LGR6: variants seen among roughly 807,000 people sequenced by gnomAD.
The protein encoded by LGR6 is leucine rich repeat containing G protein-coupled receptor 6.
A neutral mutation model predicts 69.4 loss-of-function variants in LGR6; 45 were observed. That is an observed-to-expected ratio of 0.65 (90% CI 0.51 to 0.83). LGR6 has a LOEUF of 0.83. Ranked by LOEUF, LGR6 falls within the 40% of genes least tolerant of loss-of-function variation. LGR6 has a pLI of 0.00. For missense variants in LGR6, 1,108 were observed against 1,246.7 expected (o/e 0.89, Z 1.68); for synonymous variants, 538 against 555.0 (o/e 0.97, Z 0.43).
intron 1 of LGR6, among the ~76,000 whole-genome samples, chr1:202,203,070 C>T (rs1658894952): frequency 6.6e-6 from 1 of 152,160 alleles, no homozygotes; most frequent in African/African-American, 2.4e-5. Context: ...CAGTGCATTG[C>T]TGGGGTTCTT....
intron 7 of LGR6, among the ~76,000 whole-genome samples, chr1:202,299,726 G>T (rs778202901): frequency 3.9e-5 from 6 of 152,186 alleles, no homozygotes; most frequent in Non-Finnish European, 7.3e-5. Flanking sequence ...AGCTGTGAGT[G>T]AGACAGCATG....
At chr1:202,227,404 G>A (rs1158496024) in intron 2 of LGR6, among the ~76,000 whole-genome samples, 2 of 152,132 alleles carry the variant, frequency 1.3e-5, no homozygotes, top group Non-Finnish European at 2.9e-5. Context: ...CGCTTAATTA[G>A]ACCAGAATGT....
chr1:202,270,247 G>GTTT (rs56357341), intron 4 of LGR6, among the ~76,000 whole-genome samples: 1 of 144,616 alleles, frequency 6.9e-6, no homozygotes, highest in Non-Finnish European at 1.5e-5. Flanking sequence ...TTTTGCTTTT[G>GTTT]TTTTTTTTTT....
At chr1:202,209,305 G>C (rs1487785710) in intron 1 of LGR6, among the ~76,000 whole-genome samples, 2 of 152,184 alleles carry the variant, frequency 1.3e-5, no homozygotes, top group Non-Finnish European at 2.9e-5. Flanking sequence ...GCCATCCCCA[G>C]GGATCCTGGA....
rs1383935990 is a variant in LGR6 at position 202,205,988 on chromosome 1, A to ACACACACACACC, written c.212+11788_212+11789insACACACACACCC. ...ACACACAACACACACACACACACAC[A>ACACACACACACC]CCCCTAGTATGGGTCTCCGCCTGCA... On this transcript the variant is annotated intron_variant, in intron 1 of 17. Coordinates refer to ENST00000367278, the MANE Select transcript of LGR6 (RefSeq NM_001017403.2). Among the ~76,000 whole-genome samples, 4 of 149,440 alleles carry ACACACACACACC rather than the reference A, an allele frequency of 2.7e-5. No homozygotes were observed. The East Asian group carries it at 5.9e-4, about 22-fold the overall frequency.
At chr1:202,295,165 T>G (rs961042792) in intron 6 of LGR6, among the ~76,000 whole-genome samples, 1 of 151,862 alleles carries the variant, frequency 6.6e-6, no homozygotes, top group Admixed American at 6.6e-5. Flanking sequence ...CCATCTCTAC[T>G]AAAAATACAA....
At chr1:202,229,173 C>T (rs1660809594) in intron 3 of LGR6, among the ~76,000 whole-genome samples, 1 of 152,166 alleles carries the variant, frequency 6.6e-6, no homozygotes, top group Non-Finnish European at 1.5e-5. Context: ...TTTCTCCTTT[C>T]CCTGTGTTGT....
rs1419850281 is a variant in LGR6, at chr1:202,239,342, GTGGT to G, written c.428+3350_428+3353del. Reference sequence around the variant, plus strand: ...TTTGGCTGGCTGAACTTGTGTGTGTGTGGTGTGTGTGTGTGTGTGTGTGTGTGTG... The same window carrying G: ...TTTGGCTGGCTGAACTTGTGTGTGTGGTGTGTGTGTGTGTGTGTGTGTGTG... On this transcript the variant is annotated intron_variant, in intron 4 of 17. Transcript: ENST00000367278. Among the ~76,000 whole-genome samples, 4 of 106,580 alleles carry G rather than the reference GTGGT, an allele frequency of 3.8e-5. No individual in the cohort carries two copies. The East Asian group carries it at 7.7e-4, about 20-fold the overall frequency. The allele number at this position is 106,580 out of a possible 152,430, so 69.9% of individuals were successfully genotyped here. A position where few individuals can be genotyped will look rare whatever the true frequency, so the allele number is the denominator to read the frequency against.
At chr1:202,233,756 T>C (rs1464130744) in intron 3 of LGR6, among the ~76,000 whole-genome samples, 1 of 152,210 alleles carries the variant, frequency 6.6e-6, no homozygotes, top group Non-Finnish European at 1.5e-5. Flanking sequence ...GAATGTGCTA[T>C]TGAACTTGTC....
intron 6 of LGR6, among the ~76,000 whole-genome samples, chr1:202,283,311 G>A (rs1290143882): frequency 6.6e-6 from 1 of 152,194 alleles, no homozygotes; most frequent in African/African-American, 2.4e-5. Flanking sequence ...CTGTTCCCCA[G>A]AGCATTTGCT....
chr1:202,238,725 A>ATTT (rs35307555), intron 4 of LGR6, among the ~76,000 whole-genome samples: 2 of 146,808 alleles, frequency 1.4e-5, no homozygotes, highest in African/African-American at 2.5e-5. Flanking sequence ...GCCCAGCTCT[A>ATTT]TTTTTTTTTT....
chr1:202,263,629 G>A (rs375589066), intron 4 of LGR6, among the ~76,000 whole-genome samples: 49 of 152,290 alleles, frequency 3.2e-4, no homozygotes, highest in Non-Finnish European at 6.0e-4. Context: ...GGACCAATCA[G>A]TAAGGACTTG....
At position 202,318,290 on chromosome 1, in the gene LGR6, G is replaced by A; in HGVS notation, c.1987G>A (p.Ala663Thr). 6.2e-7 allele frequency: 1 copy of A among 1,600,918 alleles called. No individual in the cohort carries two copies. The highest frequency in any genetic ancestry group is 2.2e-5 in the East Asian group (1 of 44,628). ...GGCATCGGTGCTGCTGCTCACTCTG[G>A]CCGCAGTGCAGTGCAGCGTCTCCGT... ...SEASVLLLTL[A>T]AVQCSVSVSC... Residue 663 changes from alanine to threonine, a missense_variant, in exon 18 of 18, where the codon GCC becomes ACC. Ala to Thr is a moderately conservative substitution (Grantham distance 58, BLOSUM62 0). Coordinates refer to ENST00000367278, the MANE Select transcript of LGR6 (RefSeq NM_001017403.2).
At chr1:202,314,967 C>T (rs1654035264) in intron 17 of LGR6, 85 bp downstream of exon 17, 3 of 958,886 alleles carry the variant, frequency 3.1e-6, no homozygotes, top group Non-Finnish European at 5.0e-6. Flanking sequence ...TTCAGCCTGG[C>T]ATGTCTGCAG....
chr1:202,196,876 T>C (rs543749895), intron 1 of LGR6: 46 of 380,070 alleles, frequency 1.2e-4, no homozygotes, highest in African/African-American at 8.3e-4. Context: ...TCAGGGCAAC[T>C]CTTGATCAAT....
At chr1:202,283,974 G>A (rs1332584979) in intron 6 of LGR6, among the ~76,000 whole-genome samples, 2 of 152,184 alleles carry the variant, frequency 1.3e-5, no homozygotes, top group Non-Finnish European at 2.9e-5. Flanking sequence ...TGCACAATGG[G>A]CTACCTCAGA....
chr1:202,208,503 C>T (rs1259444261), intron 1 of LGR6, among the ~76,000 whole-genome samples: 4 of 151,964 alleles, frequency 2.6e-5, no homozygotes, highest in South Asian at 2.1e-4. Context: ...GTGTTCACTC[C>T]GTGAGACTTG....
intron 4 of LGR6, among the ~76,000 whole-genome samples, chr1:202,251,306 C>T (rs1324138062): frequency 2.0e-5 from 3 of 152,108 alleles, no homozygotes; most frequent in Non-Finnish European, 2.9e-5. Flanking sequence ...AAAAGAAACT[C>T]GTTATTTTAA....
chr1:202,278,463 A>G (rs1389039268), intron 5 of LGR6, among the ~76,000 whole-genome samples: 1 of 152,186 alleles, frequency 6.6e-6, no homozygotes, highest in Non-Finnish European at 1.5e-5. Context: ...CAAGGGACTA[A>G]GGAAAGAAAA....
Sources: gnomAD v4.1 joint callset for allele counts (sites outside exome capture counted in the v4.1 genomes callset) on GRCh38, gnomAD v4.1.1 for gene constraint, MANE v1.5 for transcripts, NCBI Gene and HGNC (gene_info 2026-07-23, HGNC 2026-07-21) for gene names.